Variants in PAQR3 observed in about 807,000 individuals in gnomAD.
The protein encoded by PAQR3 is progestin and adipoQ receptor family member 3.
In PAQR3, 39 loss-of-function variants were observed where a neutral mutation model predicts 41.7. The ratio of observed to expected loss-of-function variants is 0.93; its 90% CI spans 0.72 to 1.22. PAQR3 has a LOEUF of 1.22. Ranked by LOEUF, PAQR3 falls within the 50% of genes most tolerant of loss-of-function variation. The probability of loss-of-function intolerance (pLI) is 0.00; values close to 1 mark genes in which losing one functional copy is unlikely to be tolerated. For missense variants in PAQR3, 366 were observed against 385.6 expected (o/e 0.95, Z 0.42); for synonymous variants, 140 against 140.6 (o/e 1.00, Z 0.03).
In PAQR3 at chr4:78,935,105, T is replaced by C. The variant is rs1416760819; in HGVS notation, c.348+16A>G. The C allele has an allele frequency of 6.2e-7, 1 of 1,610,798 alleles. No individual in the cohort carries two copies. Among genetic ancestry groups the C allele is most frequent in the Non-Finnish European group, 8.5e-7 (1 of 1,178,806 alleles). ...AAGTTCTCTTTACCAACAGCAGTAT[T>C]TGTGAAATGACTTACCTGGAAGCAG... is the stretch of plus-strand genomic sequence containing the variant. On this transcript the variant is annotated intron_variant, in intron 2 of 5. Transcript: ENST00000512733.
chr4:78,937,037 A>C (rs541167177), intron 1 of PAQR3, among the ~76,000 whole-genome samples: 44 of 152,214 alleles, frequency 2.9e-4, no homozygotes, highest in Non-Finnish European at 5.0e-4. Flanking sequence ...CAGTAGACAC[A>C]CCTGACAGCA....
rs1044460477 is a variant in PAQR3, at chr4:78,926,645, T to C, written c.578A>G (p.Asn193Ser). Residue 193 changes from asparagine to serine, a missense_variant, in exon 4 of 6, where the codon AAT becomes AGT. Asn to Ser is a conservative substitution (Grantham distance 46). Coordinates refer to ENST00000512733, the MANE Select transcript of PAQR3 (RefSeq NM_001040202.2). ...CCTTTGCCATTGCTGCGTGAGGTAA[T>C]TGGGATGAATCTGCGCAAAGAACAC... ...LAVFFAQIHP[N>S]YLTQQWQRLR... The C allele has an allele frequency of 6.2e-7, 1 of 1,613,940 alleles. No homozygotes were observed.
In PAQR3 at chr4:78,939,277, C is replaced by T. The variant is rs1177421491; in HGVS notation, c.-53G>A. On this transcript the variant is annotated 5_prime_UTR_variant, in exon 1 of 6. Coordinates refer to ENST00000512733, the MANE Select transcript of PAQR3 (RefSeq NM_001040202.2). ...TCGGGAGCTCCCCCAGGTCCCGCCTCCCCGGGGAGGGGGCTTCGCCGCTGG... is the reference window on the plus strand; with the variant it reads ...TCGGGAGCTCCCCCAGGTCCCGCCTTCCCGGGGAGGGGGCTTCGCCGCTGG... 7.2e-6 allele frequency: 11 copies of T among 1,523,988 alleles called. No homozygotes were observed. The highest frequency in any genetic ancestry group is 5.8e-5 in the African/African-American group (4 of 69,324). The allele number at this position is 1,523,988 out of a possible 1,614,324, so 94.4% of individuals were successfully genotyped here.
chr4:78,922,381 G>T (rs1375954620), intron 5 of PAQR3: 2 of 1,288,718 alleles, frequency 1.6e-6, no homozygotes, highest in Admixed American at 4.6e-5. Context: ...CACACGTGAC[G>T]AGTGGTACAA....
intron 11 of PAQR3, among the ~76,000 whole-genome samples, chr4:78,899,984 T>C (rs559948274): frequency 1.4e-4 from 22 of 152,170 alleles, no homozygotes; most frequent in Non-Finnish European, 2.4e-4. Flanking sequence ...AGTGTTGATA[T>C]ATACAGTCGA....
At chr4:78,899,676 G>A (rs773111766) in intron 11 of PAQR3, among the ~76,000 whole-genome samples, 4 of 151,536 alleles carry the variant, frequency 2.6e-5, no homozygotes, top group Non-Finnish European at 5.9e-5. Flanking sequence ...TTTTCCCAAA[G>A]GATTGAGCAT....
intron 1 of PAQR3, among the ~76,000 whole-genome samples, chr4:78,936,472 A>AT (rs1354706754): frequency 6.6e-6 from 1 of 152,244 alleles, no homozygotes; most frequent in African/African-American, 2.4e-5. Flanking sequence ...AGTGAGAACC[A>AT]TAGTGACTGC....
At chr4:78,892,035 G>C (rs1733466551) in intron 11 of PAQR3, among the ~76,000 whole-genome samples, 1 of 152,294 alleles carries the variant, frequency 6.6e-6, no homozygotes, top group South Asian at 2.1e-4. Context: ...TTTTATTCAT[G>C]AAGGATATTG....
chr4:78,908,789 G>A (rs969113231), downstream of PAQR3, among the ~76,000 whole-genome samples: 9 of 152,016 alleles, frequency 5.9e-5, no homozygotes, highest in African/African-American at 2.2e-4. Flanking sequence ...TACATAGTAG[G>A]TATATACATT....
In PAQR3 at chr4:78,911,907, G is replaced by A. The variant is rs188442711; in HGVS notation, c.*8632C>T. Reference sequence around the variant, plus strand: ...TCCATAGTGCAGATGTATTGAAAATGGATGATTTTGGTGCCGTGCCCTTTA... The same window carrying A: ...TCCATAGTGCAGATGTATTGAAAATAGATGATTTTGGTGCCGTGCCCTTTA... On this transcript the variant is annotated 3_prime_UTR_variant, in exon 6 of 6. Transcript: ENST00000512733. 1.3e-5 allele frequency: 21 copies of A among 1,613,962 alleles called. No homozygotes were observed. The Admixed American group carries it at 3.5e-4, about 27-fold the overall frequency.
rs1038665956 is a variant in PAQR3, at chr4:78,917,632, T to C, written c.*2907A>G. Reference sequence around the variant, plus strand: ...GATTCTTTACACACTTGGGCAGAAGTAGAATTCCCAGGAATGATGATTTAC... The same window carrying C: ...GATTCTTTACACACTTGGGCAGAAGCAGAATTCCCAGGAATGATGATTTAC... On this transcript the variant is annotated 3_prime_UTR_variant, in exon 6 of 6. Coordinates refer to ENST00000512733, the MANE Select transcript of PAQR3 (RefSeq NM_001040202.2). 4 of 193,142 alleles carry C rather than the reference T, an allele frequency of 2.1e-5. No homozygotes were observed. The highest frequency in any genetic ancestry group is 3.8e-5 in the Non-Finnish European group (4 of 105,942). 12.0% of individuals were successfully genotyped at this position (193,142 alleles called of 1,614,324 possible).
chr4:78,889,087 G>C (rs1261062381), intron 11 of PAQR3, among the ~76,000 whole-genome samples: 1 of 152,054 alleles, frequency 6.6e-6, no homozygotes, highest in African/African-American at 2.4e-5. Context: ...CAGGCGTGGT[G>C]GTGGGTGCCT....
Position 78,919,481 on chromosome 4 carries a change from C to T in PAQR3, c.*1058G>A. On this transcript the variant is annotated 3_prime_UTR_variant, in exon 6 of 6. Coordinates refer to ENST00000512733, the MANE Select transcript of PAQR3 (RefSeq NM_001040202.2). ...CAAATATTAAGTGTTTATCAAGATT[C>T]TGAGTTATCAATGCAATGCTAACAC... 2 of 985,076 alleles carry T rather than the reference C, an allele frequency of 2.0e-6. No individual in the cohort carries two copies. The highest frequency in any genetic ancestry group is 3.5e-5 in the African/African-American group (2 of 57,310). The allele number at this position is 985,076 out of a possible 1,614,324, so 61.0% of individuals were successfully genotyped here. A position where few individuals can be genotyped will look rare whatever the true frequency, so the allele number is the denominator to read the frequency against.
chr4:78,908,784 A>G (rs550710209), downstream of PAQR3, among the ~76,000 whole-genome samples: 1 of 152,280 alleles, frequency 6.6e-6, no homozygotes, highest in Admixed American at 6.5e-5. Context: ...GTGGGTACAT[A>G]GTAGGTATAT....
At chr4:78,888,174 A>T (rs1481675660) in intron 11 of PAQR3, 4 of 152,208 alleles carry the variant, frequency 2.6e-5, no homozygotes, top group Non-Finnish European at 5.9e-5. Context: ...TAGTTTTTTC[A>T]TTGCTTTCAT....
At chr4:78,900,811 C>T (rs539733720) in intron 11 of PAQR3, among the ~76,000 whole-genome samples, 1 of 152,206 alleles carries the variant, frequency 6.6e-6, no homozygotes, top group South Asian at 2.1e-4. Flanking sequence ...TCCATTTACG[C>T]AAAAATCAAA....
chr4:78,893,622 G>A (rs1733553727), intron 11 of PAQR3, among the ~76,000 whole-genome samples: 1 of 152,164 alleles, frequency 6.6e-6, no homozygotes. Flanking sequence ...GAATGGAGTG[G>A]CATGGTCATA....
intron 3 of PAQR3, among the ~76,000 whole-genome samples, chr4:78,929,565 A>T (rs1242715934): frequency 6.6e-6 from 1 of 152,204 alleles, no homozygotes; most frequent in Non-Finnish European, 1.5e-5. Flanking sequence ...CTTTTGTGTG[A>T]ACTTAGTGAC....
intron 11 of PAQR3, chr4:78,888,207 AT>A (rs1401222421): frequency 6.6e-6 from 1 of 152,138 alleles, no homozygotes; most frequent in African/African-American, 2.4e-5. Flanking sequence ...TCTCTTTGAC[AT>A]TTATTAAAAA....
Sources: allele counts gnomAD v4.1 joint callset (sites outside exome capture counted in the v4.1 genomes callset), GRCh38; gene constraint gnomAD v4.1.1; transcripts MANE v1.5; gene names NCBI Gene and HGNC (gene_info 2026-07-23, HGNC 2026-07-21).